Variants in TUFT1 observed in about 807,000 individuals in gnomAD.
TUFT1 encodes tuftelin 1, also known as tuftelin.
Under a neutral mutation model 57.8 loss-of-function variants are expected in TUFT1, and 43 were observed. The ratio of observed to expected loss-of-function variants is 0.74; its 90% CI spans 0.58 to 0.96. TUFT1 has a LOEUF of 0.96. TUFT1 is among the 40% of genes least tolerant of loss of function. The probability of loss-of-function intolerance (pLI) is 0.00; values close to 1 mark genes in which losing one functional copy is unlikely to be tolerated. For missense variants in TUFT1, 459 were observed against 489.0 expected (o/e 0.94, Z 0.58); for synonymous variants, 166 against 176.7 (o/e 0.94, Z 0.48).
intron 1 of TUFT1, among the ~76,000 whole-genome samples, chr1:151,555,798 A>G (rs1342749852): frequency 1.3e-5 from 2 of 149,186 alleles, no homozygotes; most frequent in Non-Finnish European, 3.0e-5. Context: ...AAAAAAAAAG[A>G]TAATTATAGA....
chr1:151,561,308 A>G (rs2102535403), intron 1 of TUFT1, among the ~76,000 whole-genome samples: 1 of 152,152 alleles, frequency 6.6e-6, no homozygotes, highest in East Asian at 1.9e-4. Context: ...TTTTTAAAAA[A>G]ATCTTCTTTG....
rs1304504436 is a variant in TUFT1, at chr1:151,583,133, C to G, written c.*1426C>G. 1.3e-5 allele frequency: 2 copies of G among 152,082 alleles called. No homozygotes were observed. The highest frequency in any genetic ancestry group is 2.9e-5 in the Non-Finnish European group (2 of 68,070). 9.4% of individuals were successfully genotyped at this position (152,082 alleles called of 1,614,324 possible). The stretch of plus-strand genomic sequence containing the variant: ...ATTTTTAGTAGAGATGGGGTTTCAC[C>G]ATACTGGCTAGGCTGGTCTCGAATT... On this transcript the variant is annotated 3_prime_UTR_variant, in exon 13 of 13. Coordinates refer to ENST00000368849, the MANE Select transcript of TUFT1 (RefSeq NM_020127.3).
chr1:151,556,391 C>A (rs72997976), intron 1 of TUFT1, among the ~76,000 whole-genome samples: 1 of 150,636 alleles, frequency 6.6e-6, no homozygotes, highest in Non-Finnish European at 1.5e-5. Context: ...TCTCCTCCCC[C>A]TCCCCGTCTC....
chr1:151,579,782 G>T, intron 11 of TUFT1, 50 bp downstream of exon 11: 1 of 1,566,448 alleles, frequency 6.4e-7, no homozygotes, highest in Non-Finnish European at 8.7e-7. Flanking sequence ...TGAAGAGAAG[G>T]TGGACATAAG....
At position 151,569,748 on chromosome 1, in the gene TUFT1, A is replaced by G; in HGVS notation, c.572A>G (p.Gln191Arg). The G allele has an allele frequency of 1.2e-6, 2 of 1,614,048 alleles. No homozygotes were observed. The highest frequency in any genetic ancestry group is 1.7e-6 in the Non-Finnish European group (2 of 1,179,912). The change falls in exon 7 of 13, where the codon CAG (glutamine) becomes CGG (arginine). Residue 191 changes from glutamine (Q) to arginine (R), a missense_variant. Transcript: ENST00000368849. ...CTTCAGGAGGCCAAGCGGCAACACC[A>G]GTCAGACTGTGTGGCTTTTGAGGTG... The part of the protein sequence containing the change: ...AKLQEAKRQH[Q>R]SDCVAFEVTL...
At chr1:151,557,096 T>C (rs1665726140) in intron 1 of TUFT1, among the ~76,000 whole-genome samples, 1 of 152,180 alleles carries the variant, frequency 6.6e-6, no homozygotes, top group South Asian at 2.1e-4. Flanking sequence ...AGGATTCCAT[T>C]TTTATTCATT....
chr1:151,555,328 C>CAA (rs1159462100), intron 1 of TUFT1, among the ~76,000 whole-genome samples: 12 of 100,350 alleles, frequency 1.2e-4, no homozygotes, highest in African/African-American at 3.6e-4. Flanking sequence ...GACTCCCTCT[C>CAA]AAAAAAAAAA....
intron 5 of TUFT1, 60 bp from the exon 6 acceptor site, chr1:151,566,103 T>C (rs1035955076): frequency 2.7e-6 from 3 of 1,109,560 alleles, no homozygotes; most frequent in African/African-American, 3.2e-5. Context: ...AGGAGAATAA[T>C]GTTTCAAAGT....
At chr1:151,554,316 T>G (rs1250961595) in intron 1 of TUFT1, among the ~76,000 whole-genome samples, 2 of 152,246 alleles carry the variant, frequency 1.3e-5, no homozygotes, top group Non-Finnish European at 2.9e-5. Context: ...TAGGAATTCT[T>G]TATATATTCT....
chr1:151,555,463 CTTT>C (rs397981559), intron 1 of TUFT1, among the ~76,000 whole-genome samples: 1 of 141,744 alleles, frequency 7.1e-6, no homozygotes. Flanking sequence ...ATATTAATTC[CTTT>C]TTTTTTTTTT....
rs1359726181 is a variant in TUFT1 at position 151,582,430 on chromosome 1, CCCTAAGGTGTA to C, written c.*726_*736del. 3 of 338,690 alleles carry C rather than the reference CCCTAAGGTGTA, an allele frequency of 8.9e-6. No individual in the cohort carries two copies. Among genetic ancestry groups the C allele is most frequent in the African/African-American group, 6.5e-5 (3 of 46,442 alleles). The allele number at this position is 338,690 out of a possible 1,614,324, so 21.0% of individuals were successfully genotyped here. On this transcript the variant is annotated 3_prime_UTR_variant, in exon 13 of 13. Coordinates refer to ENST00000368849, the MANE Select transcript of TUFT1 (RefSeq NM_020127.3). ...CTCCCAGAGTCTCTTTAGGGATTTT[CCCTAAGGTGTA>C]CCACCAGGCACACCTCAGTCTTCTT... is the stretch of plus-strand genomic sequence containing the variant.
At chr1:151,576,106 A>T (rs968657767) in intron 9 of TUFT1, among the ~76,000 whole-genome samples, 8 of 152,138 alleles carry the variant, frequency 5.3e-5, no homozygotes, top group Non-Finnish European at 1.0e-4. Flanking sequence ...CTAAAAGGAG[A>T]CTGAGAAGTA....
intron 7 of TUFT1, among the ~76,000 whole-genome samples, chr1:151,570,170 A>G (rs1459190525): frequency 2.0e-5 from 3 of 152,156 alleles, no homozygotes; most frequent in Admixed American, 2.0e-4. Flanking sequence ...GGTATTAGAT[A>G]GGTGCTTCAT....
At chr1:151,541,325 T>C (rs1365827313) in intron 1 of TUFT1, among the ~76,000 whole-genome samples, 1 of 152,154 alleles carries the variant, frequency 6.6e-6, no homozygotes, top group East Asian at 1.9e-4. Context: ...CAGTCCCAGT[T>C]CTCCCCACCC....
At chr1:151,541,895 A>G (rs1370252384) in intron 1 of TUFT1, among the ~76,000 whole-genome samples, 1 of 152,152 alleles carries the variant, frequency 6.6e-6, no homozygotes, top group African/African-American at 2.4e-5. Context: ...GCTGCAGTAC[A>G]GTGGCTCTTC....
Position 151,574,259 on chromosome 1 carries a change from C to G in TUFT1, c.595-11C>G, listed in dbSNP as rs1377175258. 1.2e-5 allele frequency: 19 copies of G among 1,611,778 alleles called. No individual in the cohort carries two copies. The highest frequency in any genetic ancestry group is 1.6e-5 in the Non-Finnish European group (19 of 1,179,284). ...CCACACCATTTAACATATTCCTGCT[C>G]CGTGTTTTAGGTCACACTCAGCCGG... On this transcript the variant is annotated splice_polypyrimidine_tract_variant and intron_variant, in intron 7 of 12. Coordinates refer to ENST00000368849, the MANE Select transcript of TUFT1 (RefSeq NM_020127.3).
chr1:151,563,822 C>T, intron 3 of TUFT1, 82 bp from the exon 4 acceptor site: 1 of 1,193,084 alleles, frequency 8.4e-7, no homozygotes, highest in Non-Finnish European at 1.2e-6. Context: ...TTTACCCTCC[C>T]ACCAGCACTA....
At chr1:151,570,374 C>T (rs1343578783) in intron 7 of TUFT1, among the ~76,000 whole-genome samples, 1 of 152,100 alleles carries the variant, frequency 6.6e-6, no homozygotes, top group Non-Finnish European at 1.5e-5. Flanking sequence ...TTCTGCCTCC[C>T]GGATTCAAGC....
chr1:151,560,117 A>C (rs911873179), intron 1 of TUFT1, among the ~76,000 whole-genome samples: 4 of 150,794 alleles, frequency 2.7e-5, no homozygotes, highest in African/African-American at 7.3e-5. Context: ...AATATTCAAC[A>C]AAAAAACCCT....
Sources: allele counts gnomAD v4.1 joint callset (sites outside exome capture counted in the v4.1 genomes callset), GRCh38; gene constraint gnomAD v4.1.1; transcripts MANE v1.5; gene names NCBI Gene and HGNC (gene_info 2026-07-23, HGNC 2026-07-21).